The following ARHGAP24 variants were observed in gnomAD, a reference collection of about 807,000 sequenced individuals.
The protein encoded by ARHGAP24 is Rho GTPase activating protein 24.
A neutral mutation model predicts 76.4 loss-of-function variants in ARHGAP24; 50 were observed. The ratio of observed to expected loss-of-function variants is 0.65; its 90% CI spans 0.52 to 0.83. ARHGAP24 has a LOEUF of 0.83. ARHGAP24 is among the 40% of genes least tolerant of loss of function. The pLI, the probability that ARHGAP24 is intolerant of heterozygous loss-of-function variation, is 0.00. For synonymous variants in ARHGAP24, 345 were observed against 323.3 expected, an observed-to-expected ratio of 1.07 and a Z score of -0.72; for missense variants, 930 against 914.2, an observed-to-expected ratio of 1.02 and a Z score of -0.22.
intron 2 of ARHGAP24, among the ~76,000 whole-genome samples, chr4:85,587,260 G>A (rs553844955): frequency 6.6e-6 from 1 of 152,234 alleles, no homozygotes; most frequent in East Asian, 1.9e-4. Flanking sequence ...TTAATACAGA[G>A]AAATATTACA....
chr4:85,851,689 G>A (rs1034425230), intron 3 of ARHGAP24, among the ~76,000 whole-genome samples: 14 of 152,208 alleles, frequency 9.2e-5, no homozygotes, highest in African/African-American at 2.9e-4. Flanking sequence ...AAAGGATTTT[G>A]TTTCTCCTTC....
chr4:85,501,390 T>C (rs1723810241), intron 1 of ARHGAP24, among the ~76,000 whole-genome samples: 1 of 152,218 alleles, frequency 6.6e-6, no homozygotes, highest in African/African-American at 2.4e-5. Flanking sequence ...GCATCTGTTG[T>C]TTCCTGACTT....
At chr4:85,781,328 A>AG (rs1727545216) in intron 3 of ARHGAP24, among the ~76,000 whole-genome samples, 1 of 152,220 alleles carries the variant, frequency 6.6e-6, no homozygotes, top group Non-Finnish European at 1.5e-5. Context: ...TGTGCATTTT[A>AG]GAGCAAAACG....
At chr4:85,668,884 ATAAAAG>A (rs889514027) in intron 2 of ARHGAP24, among the ~76,000 whole-genome samples, 13 of 152,218 alleles carry the variant, frequency 8.5e-5, no homozygotes, top group Non-Finnish European at 1.6e-4. Flanking sequence ...AGATGGAAAG[ATAAAAG>A]TAAAGAAGGT....
chr4:85,664,728 G>A (rs1437526771), intron 2 of ARHGAP24, among the ~76,000 whole-genome samples: 1 of 151,464 alleles, frequency 6.6e-6, no homozygotes, highest in African/African-American at 2.4e-5. Flanking sequence ...GTTCTCGTTG[G>A]TTTCAAAGAA....
At chr4:85,987,238 C>T (rs946924964) in intron 8 of ARHGAP24, among the ~76,000 whole-genome samples, 2 of 152,114 alleles carry the variant, frequency 1.3e-5, no homozygotes, top group Non-Finnish European at 2.9e-5. Context: ...TCTGTACTTT[C>T]TGCTCAATTT....
chr4:85,744,096 G>T (rs1443999411), intron 3 of ARHGAP24, among the ~76,000 whole-genome samples: 6 of 152,158 alleles, frequency 3.9e-5, no homozygotes, highest in Non-Finnish European at 8.8e-5. Context: ...ATTTGTAGAT[G>T]CATCTGTTTC....
At chr4:85,749,492 G>A (rs1465726026) in intron 3 of ARHGAP24, among the ~76,000 whole-genome samples, 5 of 152,028 alleles carry the variant, frequency 3.3e-5, no homozygotes, top group Admixed American at 2.6e-4. Context: ...CAATCTTGTC[G>A]GATTGTCAAA....
chr4:85,910,551 A>G (rs1452903404), intron 3 of ARHGAP24, among the ~76,000 whole-genome samples: 2 of 152,078 alleles, frequency 1.3e-5, no homozygotes, highest in Non-Finnish European at 2.9e-5. Flanking sequence ...CTGGAGTGGG[A>G]AGCTCCTCTC....
chr4:85,730,465 G>A (rs531865991), intron 3 of ARHGAP24, among the ~76,000 whole-genome samples: 2 of 152,292 alleles, frequency 1.3e-5, no homozygotes, highest in East Asian at 3.9e-4. Context: ...GGAGCACAGT[G>A]GTGCAATCAC....
intron 2 of ARHGAP24, among the ~76,000 whole-genome samples, chr4:85,656,795 T>TA (rs34198956): frequency 2.4e-4 from 36 of 150,406 alleles, no homozygotes; most frequent in East Asian, 9.8e-4. Context: ...TAATCAGCTT[T>TA]AAAAAAAAAA....
At chr4:85,627,858 G>A (rs1049302442) in intron 2 of ARHGAP24, among the ~76,000 whole-genome samples, 1 of 152,322 alleles carries the variant, frequency 6.6e-6, no homozygotes, top group East Asian at 1.9e-4. Flanking sequence ...GACTCCGTGG[G>A]CGTAGGACCC....
At chr4:85,803,440 A>C (rs76311721) in intron 3 of ARHGAP24, among the ~76,000 whole-genome samples, 3,046 of 152,350 alleles carry the variant, frequency 0.02, 108 homozygotes, top group African/African-American at 0.07. Flanking sequence ...TGGAATGAAG[A>C]GGAAGAAGGG....
chr4:85,564,334 A>G lies in ARHGAP24; in HGVS notation c.-20-6188A>G, dbSNP rs566718328. Reference sequence around the variant, plus strand: ...TGTATGTTCTCGCTCATAGGTGGGAATTGAGCAATGAGAACACTTGGACAC... The same window carrying G: ...TGTATGTTCTCGCTCATAGGTGGGAGTTGAGCAATGAGAACACTTGGACAC... On this transcript the variant is annotated intron_variant, in intron 1 of 9. Coordinates refer to ENST00000395184, the MANE Select transcript of ARHGAP24 (RefSeq NM_001025616.3). Among the ~76,000 whole-genome samples the G allele has an allele frequency of 5.5e-5, 8 of 146,460 alleles. No homozygotes were observed. In the South Asian group the frequency reaches 1.6e-3, roughly 30 times the overall value.
intron 3 of ARHGAP24, among the ~76,000 whole-genome samples, chr4:85,882,356 G>A (rs964909482): frequency 6.6e-6 from 1 of 152,044 alleles, no homozygotes; most frequent in Admixed American, 6.6e-5. Flanking sequence ...TGTCTCTAGT[G>A]GGTACTTAAT....
intron 1 of ARHGAP24, among the ~76,000 whole-genome samples, chr4:85,506,867 G>A (rs780504699): frequency 1.0e-4 from 15 of 144,258 alleles, no homozygotes; most frequent in Non-Finnish European, 1.8e-4. Context: ...GTTCCTATTC[G>A]GCTATCTTGG....
At chr4:85,604,168 T>G (rs956492661) in intron 2 of ARHGAP24, 3 of 152,196 alleles carry the variant, frequency 2.0e-5, no homozygotes, top group Non-Finnish European at 2.9e-5. Context: ...TCATTAGGCT[T>G]GAATGAGATG....
chr4:85,967,456 A>G (rs1293094038), intron 5 of ARHGAP24, among the ~76,000 whole-genome samples: 1 of 152,166 alleles, frequency 6.6e-6, no homozygotes, highest in South Asian at 2.1e-4. Context: ...AATTAAGTCA[A>G]TCATAGGAAG....
chr4:85,897,982 C>T (rs1427618160), intron 3 of ARHGAP24, among the ~76,000 whole-genome samples: 1 of 89,192 alleles, frequency 1.1e-5, no homozygotes, highest in Non-Finnish European at 2.3e-5. Context: ...ACCTCTAATA[C>T]ACACATATAT....
Sources: allele counts gnomAD v4.1 joint callset (sites outside exome capture counted in the v4.1 genomes callset), GRCh38; gene constraint gnomAD v4.1.1; transcripts MANE v1.5; gene names NCBI Gene and HGNC (gene_info 2026-07-23, HGNC 2026-07-21).